The following AOPEP variants were observed in gnomAD, a reference collection of about 807,000 sequenced individuals.
AOPEP encodes aminopeptidase O.
Under a neutral mutation model 98.1 loss-of-function variants are expected in AOPEP, and 77 were observed. That is an observed-to-expected ratio of 0.78 (90% CI 0.65 to 0.95). AOPEP has a LOEUF of 0.95. AOPEP is among the 40% of genes least tolerant of loss of function. The pLI is 0.00. For synonymous variants in AOPEP, 346 were observed against 365.3 expected, an observed-to-expected ratio of 0.95 and a Z score of 0.60; for missense variants, 1,024 against 1,024.7, an observed-to-expected ratio of 1.00 and a Z score of 0.01.
At chr9:95,064,812 T>C (rs1280670423) in intron 14 of AOPEP, among the ~76,000 whole-genome samples, 1 of 152,186 alleles carries the variant, frequency 6.6e-6, no homozygotes, top group East Asian at 1.9e-4. Flanking sequence ...AAAGCATAGT[T>C]CTGTGACTCA....
intron 3 of AOPEP, among the ~76,000 whole-genome samples, chr9:94,787,539 T>G (rs915913603): frequency 6.6e-6 from 1 of 152,194 alleles, no homozygotes; most frequent in African/African-American, 2.4e-5. Flanking sequence ...AACGCAAATG[T>G]AGGGAGAAAG....
intron 11 of AOPEP, 88 bp downstream of exon 11, chr9:94,979,515 T>C: frequency 1.2e-6 from 1 of 808,542 alleles, no homozygotes. Context: ...GATTTCTTAA[T>C]ATATGTGTAG....
intron 13 of AOPEP, among the ~76,000 whole-genome samples, chr9:95,046,947 T>TA (rs1303584326): frequency 6.6e-6 from 1 of 152,220 alleles, no homozygotes; most frequent in African/African-American, 2.4e-5. Flanking sequence ...TTTTCTTGTT[T>TA]AAAAAAGGAT....
At chr9:95,051,920 G>T (rs977166657) in intron 13 of AOPEP, among the ~76,000 whole-genome samples, 1 of 152,182 alleles carries the variant, frequency 6.6e-6, no homozygotes, top group South Asian at 2.1e-4. Context: ...AGCCAGGATG[G>T]TCTTGATCTC....
chr9:94,948,472 C>G (rs1013194344), intron 7 of AOPEP, among the ~76,000 whole-genome samples: 1 of 150,352 alleles, frequency 6.7e-6, no homozygotes, highest in African/African-American at 2.5e-5. Context: ...ACAAACTGTT[C>G]AATAACGTCA....
At chr9:95,052,120 T>G (rs1351248966) in intron 13 of AOPEP, among the ~76,000 whole-genome samples, 1 of 152,248 alleles carries the variant, frequency 6.6e-6, no homozygotes, top group Non-Finnish European at 1.5e-5. Flanking sequence ...TTTAATAAAT[T>G]CTTTTAAATC....
At chr9:94,809,082 C>A (rs1446106065) in intron 5 of AOPEP, among the ~76,000 whole-genome samples, 1 of 152,172 alleles carries the variant, frequency 6.6e-6, no homozygotes, top group Non-Finnish European at 1.5e-5. Flanking sequence ...GTGATGAATG[C>A]TGATGATGCT....
At chr9:95,118,397 G>A in the AOPEP span, among the ~76,000 whole-genome samples, 1 of 152,238 alleles carries the variant, frequency 6.6e-6, no homozygotes, top group South Asian at 2.1e-4. Context: ...AGCTATCTAT[G>A]CCCCCAAGGG....
chr9:94,884,117 A>T (rs2047910189), intron 5 of AOPEP, among the ~76,000 whole-genome samples: 1 of 152,236 alleles, frequency 6.6e-6, no homozygotes, highest in African/African-American at 2.4e-5. Context: ...GTCTGTCCTC[A>T]TCAGCACAAA....
intron 3 of AOPEP, among the ~76,000 whole-genome samples, chr9:94,781,600 G>C (rs1031991259): frequency 1.4e-5 from 2 of 146,772 alleles, no homozygotes; most frequent in Admixed American, 1.4e-4. Context: ...TCATTCTGTC[G>C]CCCAGGCTGG....
At chr9:94,774,745 A>G (rs762960339) in intron 3 of AOPEP, among the ~76,000 whole-genome samples, 8 of 152,224 alleles carry the variant, frequency 5.3e-5, no homozygotes, top group Non-Finnish European at 1.0e-4. Flanking sequence ...AAAAGTTGGA[A>G]CATGTTTAAG....
chr9:95,029,290 T>C (rs898289468), intron 13 of AOPEP, among the ~76,000 whole-genome samples: 6 of 152,214 alleles, frequency 3.9e-5, no homozygotes, highest in Admixed American at 3.9e-4. Flanking sequence ...GAATTCCTTA[T>C]GGGCATTGTG....
chr9:94,765,908 G>A (rs1436735088), intron 2 of AOPEP, among the ~76,000 whole-genome samples: 3 of 152,090 alleles, frequency 2.0e-5, no homozygotes, highest in Non-Finnish European at 4.4e-5. Context: ...CTGGATTGTA[G>A]GTGACATTTA....
chr9:95,107,952 T>C, the AOPEP span, among the ~76,000 whole-genome samples: 1 of 152,226 alleles, frequency 6.6e-6, no homozygotes, highest in Non-Finnish European at 1.5e-5. Context: ...TGCTGAGATG[T>C]TTCTGCTTGC....
intron 16 of AOPEP, among the ~76,000 whole-genome samples, chr9:95,083,558 CCA>C (rs921962202): frequency 1.8e-4 from 26 of 146,874 alleles, no homozygotes; most frequent in African/African-American, 6.6e-4. Context: ...GGCACACACA[CCA>C]CACACAGCGC....
At chr9:95,118,441 C>A in the AOPEP span, among the ~76,000 whole-genome samples, 1 of 152,234 alleles carries the variant, frequency 6.6e-6, no homozygotes, top group African/African-American at 2.4e-5. Context: ...GAGGTAAAAT[C>A]TATAACGCAT....
intron 4 of AOPEP, 85 bp downstream of exon 4, chr9:94,793,003 A>G (rs1846072512): frequency 7.2e-7 from 1 of 1,390,336 alleles, no homozygotes; most frequent in East Asian, 2.3e-5. Flanking sequence ...AGCACTGGGA[A>G]TGTGAGTCAT....
chr9:95,077,749 G>C (rs549854303), intron 14 of AOPEP, among the ~76,000 whole-genome samples: 39 of 152,224 alleles, frequency 2.6e-4, no homozygotes, highest in Non-Finnish European at 5.1e-4. Flanking sequence ...TTCTGTCAGG[G>C]CTCCTTTGGA....
At position 95,013,145 on chromosome 9, in the gene AOPEP, G is replaced by A. The variant is rs563020279; in HGVS notation, c.2115+7529G>A. Among the ~76,000 whole-genome samples, 3 of 151,790 alleles carry A rather than the reference G, an allele frequency of 2.0e-5. No homozygotes were observed. The East Asian group carries it at 5.8e-4, about 29-fold the overall frequency. On this transcript the variant is annotated intron_variant, in intron 13 of 16. Transcript: ENST00000375315. ...CTCTGAAAATCCTTTTACTCAGTAGGCCAATTAAACCCATTTATAATAATT... is the reference window on the plus strand; with the variant it reads ...CTCTGAAAATCCTTTTACTCAGTAGACCAATTAAACCCATTTATAATAATT...
Sources: allele counts gnomAD v4.1 joint callset (sites outside exome capture counted in the v4.1 genomes callset), GRCh38; gene constraint gnomAD v4.1.1; transcripts MANE v1.5; gene names NCBI Gene and HGNC (gene_info 2026-07-23, HGNC 2026-07-21).